Variants in SGCD observed in about 807,000 individuals in gnomAD.
SGCD encodes delta-sarcoglycan.
In SGCD, 18 loss-of-function variants were observed where a neutral mutation model predicts 36.6. The observed-to-expected ratio is 0.49, with a 90% CI of 0.34 to 0.73. The LOEUF is 0.73. Ranked by LOEUF, SGCD falls within the 30% of genes least tolerant of loss-of-function variation. The pLI, the probability that SGCD is intolerant of heterozygous loss-of-function variation, is 0.01. For missense variants in SGCD, 387 were observed against 346.7 expected (o/e 1.12, Z -0.92); for synonymous variants, 133 against 130.6 (o/e 1.02, Z -0.12).
the SGCD span, among the ~76,000 whole-genome samples, chr5:155,766,300 A>G: frequency 0.66 from 100,806 of 152,012 alleles, 34,069 homozygotes; most frequent in African/African-American, 0.76. Context: ...GCGGCTACCT[A>G]AAGAAGAAGG....
chr5:155,728,504 C>A, the SGCD span, among the ~76,000 whole-genome samples: 1 of 152,218 alleles, frequency 6.6e-6, no homozygotes, highest in Admixed American at 6.5e-5. Flanking sequence ...AAGGGACACC[C>A]ACAGCCTGGA....
chr5:156,353,768 A>G (rs563543611), intron 3 of SGCD, among the ~76,000 whole-genome samples: 19 of 152,220 alleles, frequency 1.2e-4, no homozygotes, highest in South Asian at 4.1e-4. Flanking sequence ...GTTTTTTAAA[A>G]GCACCATAAA....
intron 1 of SGCD, among the ~76,000 whole-genome samples, chr5:156,024,172 A>G (rs749519451): frequency 3.3e-5 from 5 of 152,174 alleles, no homozygotes; most frequent in Non-Finnish European, 5.9e-5. Flanking sequence ...GTGAATGGAT[A>G]TCTATCGACA....
chr5:156,022,534 CAT>C (rs1759129208), intron 1 of SGCD, among the ~76,000 whole-genome samples: 1 of 152,126 alleles, frequency 6.6e-6, no homozygotes, highest in African/African-American at 2.4e-5. Flanking sequence ...AGCATGAAAA[CAT>C]AACACATTTT....
Position 156,647,491 on chromosome 5 carries a change from C to T in SGCD, c.530C>T (p.Ser177Phe). ...GCGGAGGGCACAGTGTTCCCTAAAT[C>T]TATAGAAACACCTAATGTCAGGGCA... Reference protein sequence around the residue: ...LGAEGTVFPKSIETPNVRADP... With the variant: ...LGAEGTVFPKFIETPNVRADP... The change falls in exon 7 of 9, where the codon TCT becomes TTT. Residue 177 changes from serine (S) to phenylalanine (F), a missense_variant. Coordinates refer to ENST00000337851, the MANE Select transcript of SGCD (RefSeq NM_000337.6). 1 of 1,587,552 alleles carries T rather than the reference C, an allele frequency of 6.3e-7. No homozygotes were observed. The highest frequency in any genetic ancestry group is 8.6e-7 in the Non-Finnish European group (1 of 1,165,124).
intron 1 of SGCD, among the ~76,000 whole-genome samples, chr5:155,945,952 A>G (rs1217470511): frequency 6.6e-6 from 1 of 152,176 alleles, no homozygotes. Context: ...CAGATGTGAC[A>G]GGGTGGGAGC....
chr5:156,253,968 A>C (rs1488270913), intron 3 of SGCD, among the ~76,000 whole-genome samples: 2 of 152,236 alleles, frequency 1.3e-5, no homozygotes, highest in Non-Finnish European at 2.9e-5. Context: ...AAGCCATCTT[A>C]CTAAACTCTT....
the SGCD span, among the ~76,000 whole-genome samples, chr5:155,754,979 G>T: frequency 2.6e-5 from 4 of 152,114 alleles, no homozygotes; most frequent in Non-Finnish European, 5.9e-5. Context: ...CCAAAGAAAT[G>T]GGTGACGCAC....
chr5:155,938,720 C>T (rs1757265115), intron 1 of SGCD, among the ~76,000 whole-genome samples: 1 of 152,200 alleles, frequency 6.6e-6, no homozygotes, highest in East Asian at 1.9e-4. Flanking sequence ...TTTTCATCCC[C>T]TGTGGCACCA....
At chr5:156,543,690 G>T (rs181102833) in intron 4 of SGCD, among the ~76,000 whole-genome samples, 11 of 152,306 alleles carry the variant, frequency 7.2e-5, no homozygotes, top group Middle Eastern at 3.4e-3. Context: ...GTGCTCAGGG[G>T]ATCCTTATGA....
chr5:156,009,536 G>A (rs1221325453), intron 1 of SGCD, among the ~76,000 whole-genome samples: 1 of 152,078 alleles, frequency 6.6e-6, no homozygotes, highest in Admixed American at 6.6e-5. Flanking sequence ...CCCAAGGCTC[G>A]GTCCACATAT....
chr5:155,894,088 T>C (rs1756194795), intron 1 of SGCD, among the ~76,000 whole-genome samples: 1 of 152,094 alleles, frequency 6.6e-6, no homozygotes. Context: ...GAGCGAGTGG[T>C]GAGTGAATGT....
chr5:156,481,499 T>C (rs1755424972), intron 3 of SGCD, among the ~76,000 whole-genome samples: 1 of 152,192 alleles, frequency 6.6e-6, no homozygotes. Context: ...TTTTATTGAA[T>C]ACACTTTGTG....
At chr5:156,194,365 C>G (rs944834032) in intron 3 of SGCD, among the ~76,000 whole-genome samples, 1 of 151,716 alleles carries the variant, frequency 6.6e-6, no homozygotes, top group African/African-American at 2.4e-5. Flanking sequence ...AGCGACAGAG[C>G]AAGACCCTGT....
At chr5:156,295,452 A>AT (rs1314248643) in intron 3 of SGCD, among the ~76,000 whole-genome samples, 6 of 151,474 alleles carry the variant, frequency 4.0e-5, no homozygotes, top group Non-Finnish European at 2.9e-5. Context: ...TCTCTATTTC[A>AT]TTTTTTCTTT....
intron 4 of SGCD, among the ~76,000 whole-genome samples, chr5:156,516,840 T>C (rs1462004444): frequency 2.6e-5 from 4 of 151,962 alleles, no homozygotes; most frequent in African/African-American, 7.3e-5. Context: ...CTACTAAAAG[T>C]ACAAAAATTA....
chr5:155,842,246 G>GTTTTTT, the SGCD span, among the ~76,000 whole-genome samples: 1 of 129,054 alleles, frequency 7.7e-6, no homozygotes, highest in Non-Finnish European at 1.6e-5. Context: ...CATTTGAGGT[G>GTTTTTT]TTTTTTTTTT....
intron 4 of SGCD, among the ~76,000 whole-genome samples, chr5:156,582,730 A>G (rs569055166): frequency 2.6e-4 from 40 of 152,278 alleles, no homozygotes; most frequent in African/African-American, 9.6e-4. Flanking sequence ...CCTTATCCCT[A>G]GATCTAAGTA....
intron 1 of SGCD, among the ~76,000 whole-genome samples, chr5:155,950,233 G>A (rs995164228): frequency 6.6e-6 from 1 of 152,136 alleles, no homozygotes; most frequent in African/African-American, 2.4e-5. Context: ...CTCAATGTCT[G>A]TATAATTTAT....
Sources: allele counts gnomAD v4.1 joint callset (sites outside exome capture counted in the v4.1 genomes callset), GRCh38; gene constraint gnomAD v4.1.1; transcripts MANE v1.5; gene names NCBI Gene and HGNC (gene_info 2026-07-23, HGNC 2026-07-21).